XPNPEP3: variants seen among roughly 807,000 people sequenced by gnomAD.
The protein encoded by XPNPEP3 is X-prolyl aminopeptidase 3, also known as xaa-Pro aminopeptidase 3.
A neutral mutation model predicts 60.0 loss-of-function variants in XPNPEP3; 41 were observed. The ratio of observed to expected loss-of-function variants is 0.68; its 90% confidence interval spans 0.53 to 0.89. XPNPEP3 has a LOEUF of 0.89. Among genes scored for constraint, XPNPEP3 ranks in the 40% least tolerant of loss-of-function variants. The pLI is 0.00. For missense variants in XPNPEP3, 598 were observed against 638.9 expected (o/e 0.94, Z 0.69); for synonymous variants, 212 against 223.2 (o/e 0.95, Z 0.45).
At position 40,882,017 on chromosome 22, in the gene XPNPEP3, A is replaced by G. The variant is rs774118864; in HGVS notation, c.429A>G (p.Gln143=). The G allele has an allele frequency of 3.4e-5, 55 of 1,614,126 alleles. No homozygotes were observed. The highest frequency in any genetic ancestry group is 4.5e-5 in the Non-Finnish European group (53 of 1,180,014). ...TCCTTCAGAGCCTCCCTGGCAAACA[A>G]TTACCATCACACAAAGCCATACTTT... is the stretch of plus-strand genomic sequence containing the variant. ...ILVLQSLPGK[Q]LPSHKAILFV... is the part of the protein sequence containing the mutation. The change falls in exon 3 of 10, where the codon CAA becomes CAG. Residue 143 remains glutamine (Q), a synonymous_variant. Transcript: ENST00000357137.
chr22:40,909,772 C>CTAAATAAA (rs199688446), intron 6 of XPNPEP3, among the ~76,000 whole-genome samples: 13 of 151,338 alleles, frequency 8.6e-5, no homozygotes, highest in Non-Finnish European at 1.6e-4. Flanking sequence ...GACTCTGTCT[C>CTAAATAAA]TAAATAAATA....
chr22:40,882,083 T>C lies in XPNPEP3; in HGVS notation c.495T>C (p.Gly165=). 1 of 1,614,070 alleles carries C rather than the reference T, an allele frequency of 6.2e-7. No individual in the cohort carries two copies. Among genetic ancestry groups the C allele is most frequent in the Non-Finnish European group, 8.5e-7 (1 of 1,179,980 alleles). Residue 165 remains glycine (G), a synonymous_variant, in exon 3 of 10, where the codon GGT becomes GGC. Coordinates refer to ENST00000357137, the MANE Select transcript of XPNPEP3 (RefSeq NM_022098.4). Reference sequence around the variant, plus strand: ...ATCCCAGTCGAGAACTTTGGGATGGTCCGCGATCTGGCACTGATGGAGCAA... The same window carrying C: ...ATCCCAGTCGAGAACTTTGGGATGGCCCGCGATCTGGCACTGATGGAGCAA... The part of the protein sequence containing the change: ...RRDPSRELWD[G]PRSGTDGAIA...
At chr22:40,860,567 T>A in intron 1 of XPNPEP3, 1 of 1,053,684 alleles carries the variant, frequency 9.5e-7, no homozygotes, top group Non-Finnish European at 1.3e-6. Flanking sequence ...GTTTGTATAG[T>A]GGTTTTAATT....
chr22:40,907,556 G>A (rs371068994), intron 4 of XPNPEP3, 31 bp from the exon 5 acceptor site: 19 of 1,596,572 alleles, frequency 1.2e-5, no homozygotes, highest in East Asian at 2.2e-5. Context: ...GAATGAGATC[G>A]TGTTCTTTTC....
intron 4 of XPNPEP3, among the ~76,000 whole-genome samples, chr22:40,891,970 TTTAAA>T (rs1297558818): frequency 6.6e-6 from 1 of 152,168 alleles, no homozygotes; most frequent in African/African-American, 2.4e-5. Flanking sequence ...TTGGACTCCA[TTTAAA>T]TTAAGATATC....
chr22:40,865,555 C>T lies in XPNPEP3; in HGVS notation c.65-3444C>T, dbSNP rs573948104. ...GTTGGTCAGGCTGGTCTCGAACTCC[C>T]GACCTCAGGTGATCCACTTGCCTCG... is the stretch of plus-strand genomic sequence containing the variant. On this transcript the variant is annotated intron_variant, in intron 1 of 9. Transcript: ENST00000357137. Among the ~76,000 whole-genome samples the T allele has an allele frequency of 8.4e-4, 128 of 151,598 alleles. No homozygotes were observed. In the Middle Eastern group the frequency reaches 0.014, roughly 16 times the overall value.
intron 4 of XPNPEP3, among the ~76,000 whole-genome samples, chr22:40,893,489 G>A (rs2058096257): frequency 9.4e-6 from 1 of 106,432 alleles, no homozygotes; most frequent in Admixed American, 1.2e-4. Flanking sequence ...TGGGCAATAA[G>A]AGTGAAACTC....
intron 7 of XPNPEP3, among the ~76,000 whole-genome samples, chr22:40,918,009 T>TAA (rs34474574): frequency 0.013 from 1,675 of 124,886 alleles, 25 homozygotes; most frequent in East Asian, 0.036. Flanking sequence ...AGACTCTGTC[T>TAA]AAAAAAAAAA....
intron 2 of XPNPEP3, among the ~76,000 whole-genome samples, chr22:40,873,817 AAAAT>A (rs747244476): frequency 2.1e-4 from 32 of 152,132 alleles, no homozygotes; most frequent in African/African-American, 4.8e-4. Flanking sequence ...AAATAGAAAT[AAAAT>A]AAATAAATAA....
At chr22:40,860,567 T>C in intron 1 of XPNPEP3, 1 of 1,053,684 alleles carries the variant, frequency 9.5e-7, no homozygotes, top group South Asian at 2.3e-5. Context: ...GTTTGTATAG[T>C]GGTTTTAATT....
chr22:40,881,781 C>T lies in XPNPEP3; in HGVS notation c.193C>T (p.Pro65Ser). 18 of 1,614,084 alleles carry T rather than the reference C, an allele frequency of 1.1e-5. No individual in the cohort carries two copies. Among genetic ancestry groups the T allele is most frequent in the Non-Finnish European group, 1.5e-5 (18 of 1,179,968 alleles). ...PHLLRPGEVT[P>S]GLSQVEYALR... is the part of the protein sequence containing the mutation. ...TTTGTCATTTCTAGGGGAGGTAACT[C>T]CAGGACTATCTCAGGTGGAATATGC... The change falls in exon 3 of 10, where the codon CCA (proline) becomes TCA (serine). Residue 65 changes from proline to serine, a missense_variant. Transcript: ENST00000357137.
intron 8 of XPNPEP3, among the ~76,000 whole-genome samples, chr22:40,924,027 T>G (rs2058225875): frequency 6.6e-6 from 1 of 152,180 alleles, no homozygotes; most frequent in Non-Finnish European, 1.5e-5. Context: ...AAGAGATTTT[T>G]TTTTCTTTCT....
chr22:40,857,157 T>C lies in XPNPEP3; in HGVS notation c.-25T>C, dbSNP rs2057905137. 2 of 1,613,844 alleles carry C rather than the reference T, an allele frequency of 1.2e-6. No homozygotes were observed. The highest frequency in any genetic ancestry group is 1.7e-6 in the Non-Finnish European group (2 of 1,179,874). Reference sequence around the variant, plus strand: ...GTTCCCCGTCGTTACCCTCTTTCTCTTCCCGACGCGTGAGTTAGGCCGTAA... The same window carrying C: ...GTTCCCCGTCGTTACCCTCTTTCTCCTCCCGACGCGTGAGTTAGGCCGTAA... On this transcript the variant is annotated 5_prime_UTR_variant, in exon 1 of 10. Transcript: ENST00000357137.
chr22:40,882,905 A>T (rs904550306), intron 3 of XPNPEP3, among the ~76,000 whole-genome samples: 2 of 152,294 alleles, frequency 1.3e-5, no homozygotes, highest in African/African-American at 4.8e-5. Flanking sequence ...TCCTAGTTTG[A>T]AATCTCACAG....
chr22:40,872,501 A>G (rs1298895818), intron 2 of XPNPEP3, among the ~76,000 whole-genome samples: 1 of 150,788 alleles, frequency 6.6e-6, no homozygotes, highest in African/African-American at 2.4e-5. Flanking sequence ...CCCAGGCTGG[A>G]GTGCAATGAC....
At chr22:40,920,961 T>G (rs2058214274) in intron 7 of XPNPEP3, among the ~76,000 whole-genome samples, 1 of 152,078 alleles carries the variant, frequency 6.6e-6, no homozygotes, top group Admixed American at 6.6e-5. Context: ...CCCAGCTGAT[T>G]TTGTATTTTT....
chr22:40,860,782 C>G, intron 1 of XPNPEP3: 1 of 682,992 alleles, frequency 1.5e-6, no homozygotes, highest in Non-Finnish European at 2.4e-6. Flanking sequence ...TCCCGAGTAG[C>G]TGGGACTACA....
At position 40,868,981 on chromosome 22, in the gene XPNPEP3, T is replaced by A; in HGVS notation, c.65-18T>A. On this transcript the variant is annotated intron_variant, in intron 1 of 9. Transcript: ENST00000357137. ...CTAGATCTATTGTTTCATTTCATTC[T>A]CTTTATTCTTCATTCAGGATGTATG... is the stretch of plus-strand genomic sequence containing the variant. The A allele has an allele frequency of 6.3e-7, 1 of 1,585,286 alleles. No homozygotes were observed. Among genetic ancestry groups the A allele is most frequent in the Non-Finnish European group, 8.7e-7 (1 of 1,153,718 alleles).
At chr22:40,888,931 A>G (rs1215952665) in intron 4 of XPNPEP3, among the ~76,000 whole-genome samples, 3 of 151,316 alleles carry the variant, frequency 2.0e-5, no homozygotes, top group Non-Finnish European at 4.4e-5. Flanking sequence ...GTGGTATCTT[A>G]CTGTGGTTTG....
Sources: gnomAD v4.1 joint callset for allele counts (sites outside exome capture counted in the v4.1 genomes callset) on GRCh38, gnomAD v4.1.1 for gene constraint, MANE v1.5 for transcripts, NCBI Gene and HGNC (gene_info 2026-07-23, HGNC 2026-07-21) for gene names.